The following TPST1 variants were observed in gnomAD, a reference collection of about 807,000 sequenced individuals.
The protein encoded by TPST1 is protein-tyrosine sulfotransferase 1.
A neutral mutation model predicts 34.8 loss-of-function variants in TPST1; 20 were observed. The observed-to-expected ratio is 0.57, with a 90% CI of 0.40 to 0.84. The LOEUF is 0.84. TPST1 is among the 40% of genes least tolerant of loss of function. The pLI is 0.00. For missense variants in TPST1, 353 were observed against 455.5 expected, an observed-to-expected ratio of 0.78 and a Z score of 2.05; for synonymous variants, 152 against 159.4, an observed-to-expected ratio of 0.95 and a Z score of 0.35.
chr7:66,273,822 A>T (rs1790750983), intron 2 of TPST1, among the ~76,000 whole-genome samples: 1 of 151,660 alleles, frequency 6.6e-6, no homozygotes, highest in African/African-American at 2.4e-5. Context: ...TTTTCTTTTG[A>T]GACAGGGTCT....
chr7:66,263,341 A>G (rs1790526318), intron 2 of TPST1, among the ~76,000 whole-genome samples: 1 of 152,156 alleles, frequency 6.6e-6, no homozygotes, highest in African/African-American at 2.4e-5. Context: ...GGGCTCTCTT[A>G]TGCCCTCTTC....
At chr7:66,227,655 A>G (rs1789691627) in intron 1 of TPST1, among the ~76,000 whole-genome samples, 1 of 152,048 alleles carries the variant, frequency 6.6e-6, no homozygotes, top group Non-Finnish European at 1.5e-5. Flanking sequence ...TCCTGGTGCA[A>G]GATGCTGGCA....
At chr7:66,266,021 A>G (rs1350348053) in intron 2 of TPST1, among the ~76,000 whole-genome samples, 1 of 152,260 alleles carries the variant, frequency 6.6e-6, no homozygotes, top group Non-Finnish European at 1.5e-5. Context: ...ATCAAGATGC[A>G]CTAGATGGTA....
At chr7:66,354,256 C>A (rs1026642766) in intron 4 of TPST1, among the ~76,000 whole-genome samples, 1 of 152,056 alleles carries the variant, frequency 6.6e-6, no homozygotes, top group Non-Finnish European at 1.5e-5. Flanking sequence ...AGACTGACAC[C>A]GGCTGTGGAA....
chr7:66,203,854 T>A (rs1022183191), upstream of TPST1, among the ~76,000 whole-genome samples: 6 of 152,096 alleles, frequency 3.9e-5, no homozygotes, highest in East Asian at 1.2e-3. Flanking sequence ...TAGAAACAGA[T>A]GTCCATCAAT....
chr7:66,317,324 A>G (rs1209819183), intron 3 of TPST1, among the ~76,000 whole-genome samples: 1 of 152,124 alleles, frequency 6.6e-6, no homozygotes, highest in Admixed American at 6.5e-5. Flanking sequence ...TAGTCTTTTC[A>G]AGTAATACTT....
chr7:66,239,969 C>T (rs562313490), intron 1 of TPST1, among the ~76,000 whole-genome samples: 30 of 152,238 alleles, frequency 2.0e-4, no homozygotes. Context: ...GCAAGCTCTG[C>T]CTCCTGGATT....
At chr7:66,356,717 G>A in intron 4 of TPST1, 108 bp from the exon 5 acceptor site, 1 of 1,290,370 alleles carries the variant, frequency 7.7e-7, no homozygotes. Flanking sequence ...GAGTTCATCT[G>A]AAAGTGAACA....
chr7:66,234,732 G>A (rs1789875562), intron 1 of TPST1, among the ~76,000 whole-genome samples: 1 of 152,006 alleles, frequency 6.6e-6, no homozygotes, highest in South Asian at 2.1e-4. Flanking sequence ...GTCGGAGTGC[G>A]GTGGCAGGAT....
upstream of TPST1, among the ~76,000 whole-genome samples, chr7:66,201,639 C>T (rs1411878118): frequency 2.0e-5 from 3 of 151,628 alleles, no homozygotes; most frequent in South Asian, 2.1e-4. Flanking sequence ...TGCAGTCAGC[C>T]GATATCATGC....
At chr7:66,270,878 C>G (rs1446340153) in intron 2 of TPST1, among the ~76,000 whole-genome samples, 1 of 152,188 alleles carries the variant, frequency 6.6e-6, no homozygotes, top group African/African-American at 2.4e-5. Flanking sequence ...TGCCTAGATT[C>G]ATCAATTTGT....
At chr7:66,295,671 T>C (rs1384109730) in intron 3 of TPST1, among the ~76,000 whole-genome samples, 1 of 152,228 alleles carries the variant, frequency 6.6e-6, no homozygotes, top group Non-Finnish European at 1.5e-5. Flanking sequence ...TTTTACTTTA[T>C]TTATTTGAGA....
At chr7:66,199,216 C>T in the TPST1 span, among the ~76,000 whole-genome samples, 1 of 152,016 alleles carries the variant, frequency 6.6e-6, no homozygotes, top group Non-Finnish European at 1.5e-5. Context: ...CATTCATTAC[C>T]TGTCCATCCG....
intron 2 of TPST1, among the ~76,000 whole-genome samples, chr7:66,265,535 G>T (rs1371017418): frequency 1.4e-5 from 2 of 143,178 alleles, no homozygotes; most frequent in Non-Finnish European, 3.0e-5. Flanking sequence ...GGACGACAGT[G>T]TGGAACCCTG....
chr7:66,339,350 G>A (rs1236721073), intron 3 of TPST1, among the ~76,000 whole-genome samples: 4 of 151,992 alleles, frequency 2.6e-5, no homozygotes, highest in Non-Finnish European at 4.4e-5. Flanking sequence ...TGAGATTGAA[G>A]CCATATAAAA....
chr7:66,353,541 C>T (rs924547801), intron 4 of TPST1, among the ~76,000 whole-genome samples: 17 of 152,218 alleles, frequency 1.1e-4, no homozygotes, highest in Admixed American at 9.8e-4. Context: ...CATTCCAATC[C>T]TGTTTCCTGG....
chr7:66,231,281 A>G (rs1364769432), intron 1 of TPST1, among the ~76,000 whole-genome samples: 2 of 152,270 alleles, frequency 1.3e-5, no homozygotes, highest in Non-Finnish European at 2.9e-5. Flanking sequence ...CAGACTCAGG[A>G]GCCCAGCTGG....
At chr7:66,259,668 T>C (rs1790447518) in intron 2 of TPST1, among the ~76,000 whole-genome samples, 1 of 152,030 alleles carries the variant, frequency 6.6e-6, no homozygotes, top group South Asian at 2.1e-4. Context: ...AGAGTTCCCA[T>C]ATATGACTTA....
At chr7:66,358,269 T>A (rs1053240580) in intron 5 of TPST1, among the ~76,000 whole-genome samples, 7 of 151,284 alleles carry the variant, frequency 4.6e-5, no homozygotes, top group African/African-American at 1.7e-4. Flanking sequence ...AATAAATAAA[T>A]AAAAATAAAA....
Sources: gnomAD v4.1 joint callset for allele counts (sites outside exome capture counted in the v4.1 genomes callset) on GRCh38, gnomAD v4.1.1 for gene constraint, MANE v1.5 for transcripts, NCBI Gene and HGNC (gene_info 2026-07-23, HGNC 2026-07-21) for gene names.